Variants in ROBO3 observed in about 807,000 individuals in gnomAD.
ROBO3 encodes the protein roundabout homolog 3.
Under a neutral mutation model 160.5 loss-of-function variants are expected in ROBO3, and 97 were observed. The observed-to-expected ratio is 0.60, with a 90% CI of 0.51 to 0.72. ROBO3 has a LOEUF of 0.72. ROBO3 is among the 30% of genes least tolerant of loss of function. The pLI, the probability that ROBO3 is intolerant of heterozygous loss-of-function variation, is 0.00. For missense variants in ROBO3, 1,858 were observed against 1,846.5 expected, an observed-to-expected ratio of 1.01 and a Z score of -0.11; for synonymous variants, 780 against 746.2, an observed-to-expected ratio of 1.05 and a Z score of -0.74.
Position 124,872,326 on chromosome 11 carries a change from C to T in ROBO3, c.1159-55C>T. The T allele has an allele frequency of 6.6e-7, 1 of 1,519,918 alleles. No homozygotes were observed. Among genetic ancestry groups the T allele is most frequent in the Non-Finnish European group, 9.1e-7 (1 of 1,094,668 alleles). The allele number at this position is 1,519,918 out of a possible 1,614,324, so 94.2% of individuals were successfully genotyped here. A position where few individuals can be genotyped will look rare whatever the true frequency, so the allele number is the denominator to read the frequency against. ...TTGAGATTGACAGGAATGGGGACCT[C>T]TCCCTGCCCAGCTGCCTGCTCATTC... On this transcript the variant is annotated intron_variant, in intron 7 of 27. Coordinates refer to ENST00000397801, the MANE Select transcript of ROBO3 (RefSeq NM_022370.4). This position sits in a 1 kb window ranked among gnomAD's most constrained non-coding sequence, Gnocchi z 4.3.
intron 1 of ROBO3, among the ~76,000 whole-genome samples, chr11:124,867,702 G>T (rs533718667): frequency 7.9e-5 from 12 of 152,092 alleles, no homozygotes; most frequent in South Asian, 2.1e-4. Flanking sequence ...CTTCTAAGAG[G>T]GGGGGCAGGA....
chr11:124,870,462 A>T (rs1946266649), intron 5 of ROBO3, 139 bp from the exon 6 acceptor site: 2 of 1,464,292 alleles, frequency 1.4e-6, no homozygotes, highest in African/African-American at 2.8e-5. Flanking sequence ...ACCTCCATTG[A>T]TGGGTCCATG....
Position 124,869,446 on chromosome 11 carries a change from C to CCCCAACA in ROBO3, c.488-3_488-2insCCAACAC. 6.6e-7 allele frequency: 1 copy of CCCCAACA among 1,521,636 alleles called. No homozygotes were observed. The highest frequency in any genetic ancestry group is 8.9e-7 in the Non-Finnish European group (1 of 1,119,412). The allele number at this position is 1,521,636 out of a possible 1,614,324, so 94.3% of individuals were successfully genotyped here. ...CTTATTTCGCCCCCCACCGCCCCGC[C>CCCCAACA]CAGTCCTCCGTGATGATTTCCGGCA... On this transcript the variant is annotated splice_polypyrimidine_tract_variant and splice_region_variant and intron_variant, in intron 2 of 27. Transcript: ENST00000397801. This position sits in a 1 kb window ranked among gnomAD's most constrained non-coding sequence, Gnocchi z 4.2.
intron 25 of ROBO3, 52 bp from the exon 26 acceptor site, chr11:124,879,735 G>A: frequency 6.2e-7 from 1 of 1,608,692 alleles, no homozygotes; most frequent in East Asian, 2.2e-5. Context: ...GTGAGAGAAA[G>A]ATTAGTGACA....
At chr11:124,874,983 T>C (rs1946332761) in intron 13 of ROBO3, 74 bp downstream of exon 13, 2 of 1,543,084 alleles carry the variant, frequency 1.3e-6, no homozygotes, top group Non-Finnish European at 1.8e-6. Context: ...AGAGTGAGTA[T>C]GGGAGAGTGG....
chr11:124,866,139 G>A (rs762224902), intron 1 of ROBO3, among the ~76,000 whole-genome samples: 2 of 152,216 alleles, frequency 1.3e-5, no homozygotes, highest in African/African-American at 2.4e-5. Flanking sequence ...GACCCACCCA[G>A]GCAGCTGGTC....
Position 124,875,601 on chromosome 11 carries a change from G to C in ROBO3, c.2337G>C (p.Leu779Phe). 1.2e-6 allele frequency: 2 copies of C among 1,610,776 alleles called. No individual in the cohort carries two copies. Among genetic ancestry groups the C allele is most frequent in the Non-Finnish European group, 1.7e-6 (2 of 1,178,664 alleles). The change falls in exon 15 of 28, where the codon TTG becomes TTC. Residue 779 changes from leucine (L) to phenylalanine (F), a missense_variant. Physicochemically the swap from Leu to Phe is conservative, Grantham distance 22. Transcript: ENST00000397801. ...SGPPQGVAVA[L>F]GGDGNSSITV... ...CCCCACAGGGAGTGGCGGTGGCCTT[G>C]GGGGGTGATGGCAACAGCAGTATCA...
At chr11:124,871,241 T>C in intron 7 of ROBO3, 103 bp downstream of exon 7, 2 of 1,372,514 alleles carry the variant, frequency 1.5e-6, no homozygotes, top group South Asian at 1.5e-5. Flanking sequence ...CTGTTTTATC[T>C]TTGGGAGCCC....
At position 124,869,511 on chromosome 11, in the gene ROBO3, A is replaced by G; in HGVS notation, c.549A>G (p.Ala183=). 1 of 1,512,040 alleles carries G rather than the reference A, an allele frequency of 6.6e-7. No individual in the cohort carries two copies. The highest frequency in any genetic ancestry group is 2.4e-5 in the East Asian group (1 of 42,016). 93.7% of individuals were successfully genotyped at this position (1,512,040 alleles called of 1,614,324 possible). ...GNVVVAVGEP[A]VLECVPPRGH... ...TGGTGGTGGCAGTGGGGGAGCCAGC[A>G]GTACTGGAATGCGTGCCCCCCCGCG... The change falls in exon 3 of 28, where the codon GCA becomes GCG. Residue 183 remains alanine (A), a synonymous_variant. Coordinates refer to ENST00000397801, the MANE Select transcript of ROBO3 (RefSeq NM_022370.4). The surrounding 1 kb of genome is among the most constrained non-coding windows in gnomAD (Gnocchi z 4.2).
chr11:124,865,667 C>G lies in ROBO3; in HGVS notation c.90C>G (p.Leu30=). 2 of 1,612,620 alleles carry G rather than the reference C, an allele frequency of 1.2e-6. No homozygotes were observed. The highest frequency in any genetic ancestry group is 1.3e-5 in the African/African-American group (1 of 75,026). The part of the protein sequence containing the change: ...AGDISNSSEL[L]LGFNSSLAAL... ...ACATCTCCAACTCCAGCGAGCTGCT[C>G]TTGGGCTTCAACTCCTCGCTGGCGG... The change falls in exon 1 of 28, where the codon CTC becomes CTG. Residue 30 remains leucine, a synonymous_variant. Transcript: ENST00000397801. The surrounding 1 kb of genome is among the most constrained non-coding windows in gnomAD (Gnocchi z 5.5).
chr11:124,876,136 C>A lies in ROBO3; in HGVS notation c.2593+11C>A, dbSNP rs1386411606. ...TGCTGGTGCAGCTGCGTGAGTCCAC[C>A]CGAGGGCAGTGCTGAGGATCTTGAC... On this transcript the variant is annotated intron_variant, in intron 16 of 27. Transcript: ENST00000397801. The surrounding 1 kb of genome is among the most constrained non-coding windows in gnomAD (Gnocchi z 5.3). 11 of 1,593,146 alleles carry A rather than the reference C, an allele frequency of 6.9e-6. No individual in the cohort carries two copies. The highest frequency in any genetic ancestry group is 1.1e-5 in the South Asian group (1 of 89,886).
rs1157921610 is a variant in ROBO3, at chr11:124,877,628, A to G, written c.2956A>G (p.Asn986Asp). The change falls in exon 20 of 28, where the codon AAT (asparagine) becomes GAT (aspartate). Residue 986 changes from asparagine to aspartate, a missense_variant. Coordinates refer to ENST00000397801, the MANE Select transcript of ROBO3 (RefSeq NM_022370.4). ...ACCCAGGGGAAGCTGCTGCCCTAGC[A>G]ATCCTGACCCGGACGACAGATATTA... The part of the protein sequence containing the change: ...QEPRGSCCPS[N>D]PDPDDRYYNE... The G allele has an allele frequency of 1.9e-6, 3 of 1,610,776 alleles. No individual in the cohort carries two copies. The highest frequency in any genetic ancestry group is 2.5e-6 in the Non-Finnish European group (3 of 1,178,688).
At position 124,878,792 on chromosome 11, in the gene ROBO3, C is replaced by A. The variant is rs751591086; in HGVS notation, c.3529C>A (p.Pro1177Thr). ...PTDMPHLHQM[P>T]RRVPLGPSSP... ...TGACATGCCCCATCTCCATCAGATG[C>A]CCAGGTAGGGAGGTATATAGTACCT... Residue 1177 changes from proline to threonine, a missense_variant, in exon 23 of 28, where the codon CCC becomes ACC. Physicochemically the swap from Pro to Thr is conservative, Grantham distance 38. Coordinates refer to ENST00000397801, the MANE Select transcript of ROBO3 (RefSeq NM_022370.4). The surrounding 1 kb of genome is among the most constrained non-coding windows in gnomAD (Gnocchi z 4.3). 1.2e-6 allele frequency: 2 copies of A among 1,610,906 alleles called. No individual in the cohort carries two copies. Among genetic ancestry groups the A allele is most frequent in the East Asian group, 4.5e-5 (2 of 44,870 alleles).
In ROBO3 at chr11:124,872,932, A is replaced by G. The variant is rs771613910; in HGVS notation, c.1379A>G (p.Gln460Arg). 1.5e-5 allele frequency: 24 copies of G among 1,612,364 alleles called. 2 individuals are homozygous for G. In the Middle Eastern group the frequency reaches 3.6e-3, roughly 239 times the overall value. The change falls in exon 9 of 28, where the codon CAG becomes CGG. Residue 460 changes from glutamine (Q) to arginine (R), a missense_variant. Transcript: ENST00000397801. This position sits in a 1 kb window ranked among gnomAD's most constrained non-coding sequence, Gnocchi z 4.3. ...PPVILQGPAN[Q>R]TLVLGSSVWL... ...GTCATCCTCCAGGGACCAGCCAATC[A>G]GACGCTGGTGCTTGGCTCCTCCGTG...
At position 124,878,153 on chromosome 11, in the gene ROBO3, C is replaced by A. The variant is rs1435265854; in HGVS notation, c.3181+22C>A. On this transcript the variant is annotated intron_variant, in intron 21 of 27. Transcript: ENST00000397801. This position sits in a 1 kb window ranked among gnomAD's most constrained non-coding sequence, Gnocchi z 4.3. The stretch of plus-strand genomic sequence containing the variant: ...AGTGGTATGACTCCAACTCCTGAAA[C>A]CCCGTTTAGCCCTGACCAGGGTATC... 1.3e-6 allele frequency: 2 copies of A among 1,585,392 alleles called. No homozygotes were observed. Among genetic ancestry groups the A allele is most frequent in the South Asian group, 2.3e-5 (2 of 87,282 alleles).
intron 14 of ROBO3, 42 bp from the exon 15 acceptor site, chr11:124,875,522 T>A: frequency 6.2e-7 from 1 of 1,604,024 alleles, no homozygotes; most frequent in Non-Finnish European, 8.5e-7. Context: ...CAGCTTGCAA[T>A]GACTATTTGT....
Position 124,877,322 on chromosome 11 carries a change from G to A in ROBO3, c.2846+13G>A, listed in dbSNP as rs1565314547. On this transcript the variant is annotated intron_variant, in intron 19 of 27. Coordinates refer to ENST00000397801, the MANE Select transcript of ROBO3 (RefSeq NM_022370.4). Reference sequence around the variant, plus strand: ...GAGCCAGTTCCAGGTAATTCTCTTAGCCCATTTCCTCAGGATGACCTCCAC... The same window carrying A: ...GAGCCAGTTCCAGGTAATTCTCTTAACCCATTTCCTCAGGATGACCTCCAC... The A allele has an allele frequency of 1.2e-6, 2 of 1,613,734 alleles. No homozygotes were observed. Among genetic ancestry groups the A allele is most frequent in the Non-Finnish European group, 8.5e-7 (1 of 1,179,780 alleles).
At position 124,878,301 on chromosome 11, in the gene ROBO3, C is replaced by T; in HGVS notation, c.3185C>T (p.Ala1062Val). 6.2e-7 allele frequency: 1 copy of T among 1,613,080 alleles called. No homozygotes were observed. Among genetic ancestry groups the T allele is most frequent in the Non-Finnish European group, 8.5e-7 (1 of 1,179,570 alleles). Reference sequence around the variant, plus strand: ...GTCCCCATCCTATTCTCCTCAGGAGCCAAGGGAGGCAAAGTGAAGCTTCTG... The same window carrying T: ...GTCCCCATCCTATTCTCCTCAGGAGTCAAGGGAGGCAAAGTGAAGCTTCTG... ...PPEWSQGDSG[A>V]KGGKVKLLGK... The change falls in exon 22 of 28, where the codon GCC (alanine) becomes GTC (valine). Residue 1062 changes from alanine to valine, a missense_variant. Coordinates refer to ENST00000397801, the MANE Select transcript of ROBO3 (RefSeq NM_022370.4). The surrounding 1 kb of genome is among the most constrained non-coding windows in gnomAD (Gnocchi z 4.3).
Position 124,869,887 on chromosome 11 carries a change from A to T in ROBO3, c.646-61A>T. 2.6e-6 allele frequency: 4 copies of T among 1,531,002 alleles called. No homozygotes were observed. The South Asian group carries it at 4.8e-5, about 18-fold the overall frequency. The allele number at this position is 1,531,002 out of a possible 1,614,324, so 94.8% of individuals were successfully genotyped here. ...TACATATGTATATACACATATATTC[A>T]CCATATATATATACGCTGTGATAGC... On this transcript the variant is annotated intron_variant, in intron 3 of 27. Transcript: ENST00000397801. The surrounding 1 kb of genome is among the most constrained non-coding windows in gnomAD (Gnocchi z 4.2).
Sources: allele counts gnomAD v4.1 joint callset (sites outside exome capture counted in the v4.1 genomes callset), GRCh38; gene constraint gnomAD v4.1.1; non-coding constraint Gnocchi (gnomAD v3.1); transcripts MANE v1.5; gene names NCBI Gene and HGNC (gene_info 2026-07-23, HGNC 2026-07-21).